GOLM2: variants seen among roughly 807,000 people sequenced by gnomAD.
GOLM2 encodes protein GOLM2.
GOLM2 carries 26 observed loss-of-function variants against 55.9 expected under a neutral mutation model. The ratio of observed to expected loss-of-function variants is 0.47; its 90% CI spans 0.34 to 0.65. The LOEUF is 0.65. Ranked by LOEUF, GOLM2 falls within the 30% of genes least tolerant of loss-of-function variation. The pLI is 0.01. For synonymous variants in GOLM2, 165 were observed against 194.6 expected, an observed-to-expected ratio of 0.85 and a Z score of 1.27; for missense variants, 486 against 531.8, an observed-to-expected ratio of 0.91 and a Z score of 0.85.
intron 1 of GOLM2, among the ~76,000 whole-genome samples, chr15:44,301,443 G>A (rs1041211289): frequency 1.3e-5 from 2 of 152,062 alleles, no homozygotes; most frequent in Non-Finnish European, 2.9e-5. Context: ...GAACAAATAT[G>A]TTCAAGTTTC....
intron 6 of GOLM2, among the ~76,000 whole-genome samples, chr15:44,356,389 A>G (rs1464163636): frequency 6.6e-6 from 1 of 152,188 alleles, no homozygotes; most frequent in Non-Finnish European, 1.5e-5. Context: ...CAGAAATGAA[A>G]GAGGGTTATC....
chr15:44,358,641 C>T (rs555806248), intron 6 of GOLM2, among the ~76,000 whole-genome samples: 15 of 152,184 alleles, frequency 9.9e-5, no homozygotes, highest in South Asian at 6.2e-4. Flanking sequence ...ATGGTGCTGA[C>T]AACTAGATTT....
intron 1 of GOLM2, among the ~76,000 whole-genome samples, chr15:44,305,236 G>A (rs1269710794): frequency 6.6e-6 from 1 of 152,068 alleles, no homozygotes; most frequent in Non-Finnish European, 1.5e-5. Flanking sequence ...CTAGGCCCAA[G>A]CAATTTGCCT....
intron 6 of GOLM2, chr15:44,345,844 C>CTTTATT (rs944874104): frequency 6.6e-5 from 10 of 151,582 alleles, no homozygotes; most frequent in African/African-American, 2.2e-4. Flanking sequence ...TCTTATTTTT[C>CTTTATT]TTTATTTTTA....
intron 4 of GOLM2, 45 bp from the exon 5 acceptor site, chr15:44,337,717 TA>T: frequency 2.1e-6 from 3 of 1,421,244 alleles, no homozygotes; most frequent in Non-Finnish European, 2.8e-6. Context: ...GTCGGTGGTT[TA>T]ACAATTTGAA....
intron 6 of GOLM2, among the ~76,000 whole-genome samples, chr15:44,371,479 T>C (rs1275107507): frequency 1.3e-5 from 2 of 152,226 alleles, no homozygotes. Context: ...GTAGTACATG[T>C]AGACATTTAC....
intron 1 of GOLM2, among the ~76,000 whole-genome samples, chr15:44,313,381 C>T (rs1161464190): frequency 2.0e-5 from 3 of 152,190 alleles, no homozygotes; most frequent in African/African-American, 7.2e-5. Flanking sequence ...CATCTTTTCC[C>T]CAGCATTCTA....
At chr15:44,316,479 G>A (rs930135225) in intron 1 of GOLM2, among the ~76,000 whole-genome samples, 23 of 152,186 alleles carry the variant, frequency 1.5e-4, no homozygotes, top group Non-Finnish European at 2.4e-4. Context: ...GAGCTGGCCC[G>A]GCGCGGTGGC....
At chr15:44,379,177 C>CA (rs1372574097) in intron 6 of GOLM2, among the ~76,000 whole-genome samples, 1 of 151,910 alleles carries the variant, frequency 6.6e-6, no homozygotes, top group Non-Finnish European at 1.5e-5. Flanking sequence ...ATTTATTGGT[C>CA]AAAAAAATCT....
chr15:44,368,692 T>A (rs886685842), intron 6 of GOLM2, among the ~76,000 whole-genome samples: 3 of 151,888 alleles, frequency 2.0e-5, no homozygotes, highest in Non-Finnish European at 4.4e-5. Context: ...CTTGAACATA[T>A]ATATACGCAC....
At chr15:44,318,184 T>C (rs1441797905) in intron 1 of GOLM2, among the ~76,000 whole-genome samples, 3 of 152,208 alleles carry the variant, frequency 2.0e-5, no homozygotes, top group Non-Finnish European at 4.4e-5. Flanking sequence ...ATGTAATTCA[T>C]ATATCATAAA....
At chr15:44,348,639 GTGGAGCTCTAGGGCCT>G (rs1567032037) in intron 6 of GOLM2, 1 of 152,252 alleles carries the variant, frequency 6.6e-6, no homozygotes, top group Non-Finnish European at 1.5e-5. Context: ...TCTGCTGATT[GTGGAGCTCTAGGGCCT>G]TGAGCAAACA....
At chr15:44,367,572 G>C (rs1367787677) in intron 6 of GOLM2, among the ~76,000 whole-genome samples, 2 of 152,026 alleles carry the variant, frequency 1.3e-5, no homozygotes, top group African/African-American at 4.8e-5. Flanking sequence ...GAGGTGGGTG[G>C]ATCATGAGGT....
chr15:44,308,411 G>A (rs1459064329), intron 1 of GOLM2: 1 of 151,984 alleles, frequency 6.6e-6, no homozygotes, highest in Non-Finnish European at 1.5e-5. Flanking sequence ...CCTCTTTATG[G>A]CTGATAATAT....
intron 6 of GOLM2, among the ~76,000 whole-genome samples, chr15:44,344,507 A>G (rs561003225): frequency 4.0e-5 from 6 of 151,844 alleles, no homozygotes; most frequent in Non-Finnish European, 7.4e-5. Context: ...ATACTTACCT[A>G]TATGCTGATT....
At chr15:44,388,598 C>A (rs2141200891) in intron 8 of GOLM2, among the ~76,000 whole-genome samples, 1 of 151,462 alleles carries the variant, frequency 6.6e-6, no homozygotes, top group East Asian at 2.0e-4. Flanking sequence ...TCTTTAAGCC[C>A]AGGAGTTAGA....
In GOLM2 at chr15:44,289,084, G is replaced by GTGGTGCTGC; in HGVS notation, c.61_69dup (p.Leu21_Val23dup). ...TGGCCGCCTGCCCTCTCTCGTGCTGGTGGTGCTGCTGGTGGTGATCGTCGT... is the reference window on the plus strand; with the variant it reads ...TGGCCGCCTGCCCTCTCTCGTGCTGGTGGTGCTGCTGGTGCTGCTGGTGGTGATCGTCGT... On this transcript the variant is annotated inframe_insertion, in exon 1 of 10. Transcript: ENST00000299957. This position sits in a 1 kb window ranked among gnomAD's most constrained non-coding sequence, Gnocchi z 4.8. 6.2e-7 allele frequency: 1 copy of GTGGTGCTGC among 1,614,116 alleles called. No homozygotes were observed. The highest frequency in any genetic ancestry group is 1.3e-5 in the African/African-American group (1 of 75,068).
At chr15:44,391,887 G>A (rs1006960125) in intron 8 of GOLM2, among the ~76,000 whole-genome samples, 3 of 151,798 alleles carry the variant, frequency 2.0e-5, no homozygotes, top group Admixed American at 2.0e-4. Context: ...TTTTGCTCTT[G>A]TTGCCCAGGC....
At chr15:44,336,374 C>T (rs1204178218) in intron 4 of GOLM2, among the ~76,000 whole-genome samples, 1 of 151,770 alleles carries the variant, frequency 6.6e-6, no homozygotes, top group Non-Finnish European at 1.5e-5. Context: ...ACCTCGGCCT[C>T]CCGAAGTGCT....
Sources: allele counts gnomAD v4.1 joint callset (sites outside exome capture counted in the v4.1 genomes callset), GRCh38; gene constraint gnomAD v4.1.1; non-coding constraint Gnocchi (gnomAD v3.1); transcripts MANE v1.5; gene names NCBI Gene and HGNC (gene_info 2026-07-23, HGNC 2026-07-21).